The following GSG1L variants were observed in gnomAD, a reference collection of about 807,000 sequenced individuals.
GSG1L encodes germ cell-specific gene 1-like protein.
In GSG1L, 24 loss-of-function variants were observed where a neutral mutation model predicts 42.1. That is an observed-to-expected ratio of 0.57 (90% CI 0.41 to 0.80). GSG1L has a LOEUF of 0.80. Ranked by LOEUF, GSG1L falls within the 30% of genes least tolerant of loss-of-function variation. The pLI is 0.00. For missense variants in GSG1L, 445 were observed against 472.2 expected (o/e 0.94, Z 0.53); for synonymous variants, 215 against 203.5 (o/e 1.06, Z -0.48).
chr16:28,041,479 C>T (rs1040996890), intron 1 of GSG1L, among the ~76,000 whole-genome samples: 1 of 152,032 alleles, frequency 6.6e-6, no homozygotes, highest in Non-Finnish European at 1.5e-5. Context: ...ATACTATATC[C>T]GGATGGAGTG....
intron 2 of GSG1L, among the ~76,000 whole-genome samples, chr16:27,914,465 G>C (rs746484421): frequency 3.9e-4 from 60 of 152,182 alleles, no homozygotes; most frequent in Middle Eastern, 3.4e-3. Flanking sequence ...GCAAAGTGAG[G>C]ATACAGCCTC....
intron 1 of GSG1L, among the ~76,000 whole-genome samples, chr16:27,978,241 A>G (rs1212957379): frequency 1.3e-5 from 2 of 152,156 alleles, no homozygotes. Flanking sequence ...TTCCACCCCC[A>G]GATCTCCTCC....
rs552951320 is a variant in GSG1L at position 27,967,556 on chromosome 16, C to T, written c.350-4353G>A. 8.5e-5 allele frequency among the ~76,000 whole-genome samples: 13 copies of T among 152,298 alleles called. No homozygotes were observed. In the South Asian group the frequency reaches 2.7e-3, roughly 32 times the overall value. ...AGGGACCATCCTGGGCCACACAGCA[C>T]ATTAGAGGTGCTGATATTTTAGCCC... is the stretch of plus-strand genomic sequence containing the variant. On this transcript the variant is annotated intron_variant, in intron 1 of 6. Transcript: ENST00000447459.
intron 5 of GSG1L, among the ~76,000 whole-genome samples, chr16:27,811,069 A>G (rs553345068): frequency 6.6e-5 from 10 of 152,300 alleles, no homozygotes; most frequent in Admixed American, 2.0e-4. Flanking sequence ...AAAATCTCCA[A>G]CATCTTAGAG....
intron 2 of GSG1L, among the ~76,000 whole-genome samples, chr16:27,950,532 T>TTAAGG (rs1363705921): frequency 2.6e-5 from 4 of 151,964 alleles, no homozygotes; most frequent in African/African-American, 9.7e-5. Context: ...CACTTCAGAA[T>TTAAGG]TAAGGAGGTG....
intron 2 of GSG1L, among the ~76,000 whole-genome samples, chr16:27,901,770 T>C (rs78686135): frequency 0.013 from 1,994 of 152,322 alleles, 52 homozygotes; most frequent in African/African-American, 0.045. Context: ...GTGCTTGGGA[T>C]AAACCCCAGC....
chr16:27,964,793 G>A (rs566669648), intron 1 of GSG1L, among the ~76,000 whole-genome samples: 4 of 152,160 alleles, frequency 2.6e-5, no homozygotes, highest in Non-Finnish European at 5.9e-5. Flanking sequence ...TAGGGGATTG[G>A]GCGGGGAGCA....
rs112425923 is a variant in GSG1L at position 27,882,157 on chromosome 16, C to T, written c.550+2329G>A. The stretch of plus-strand genomic sequence containing the variant: ...GCTGTTCTCCTGATAGTGAGTCTCA[C>T]GAGAGCTGATGGTTTTATGAAGAGC... On this transcript the variant is annotated intron_variant, in intron 3 of 6. Coordinates refer to ENST00000447459, the MANE Select transcript of GSG1L (RefSeq NM_001109763.2). Among the ~76,000 whole-genome samples the T allele has an allele frequency of 4.2e-4, 64 of 152,210 alleles. 1 individual carries two copies. Among genetic ancestry groups the T allele is most frequent in the African/African-American group, 1.3e-3 (55 of 41,528 alleles).
chr16:27,814,800 C>T (rs2083075902), intron 5 of GSG1L, among the ~76,000 whole-genome samples: 2 of 152,104 alleles, frequency 1.3e-5, no homozygotes, highest in South Asian at 2.1e-4. Context: ...AGCCAAGGGT[C>T]ATCAGCAATG....
At chr16:28,041,907 A>G (rs2086110697) in intron 1 of GSG1L, among the ~76,000 whole-genome samples, 1 of 152,236 alleles carries the variant, frequency 6.6e-6, no homozygotes, top group Non-Finnish European at 1.5e-5. Context: ...GAATCGCTCC[A>G]GGATCGCTCA....
intron 2 of GSG1L, among the ~76,000 whole-genome samples, chr16:27,897,270 T>G (rs2084202526): frequency 6.6e-6 from 1 of 152,038 alleles, no homozygotes; most frequent in African/African-American, 2.4e-5. Flanking sequence ...ATTTGTTACA[T>G]CAGCAAGAGG....
intron 3 of GSG1L, among the ~76,000 whole-genome samples, chr16:27,868,594 T>TAAAA (rs35102160): frequency 6.9e-6 from 1 of 145,478 alleles, no homozygotes; most frequent in African/African-American, 2.5e-5. Flanking sequence ...GCAAGAGCTG[T>TAAAA]AAAAAAAAAA....
chr16:27,947,540 G>GGAAA (rs773407925), intron 2 of GSG1L, among the ~76,000 whole-genome samples: 10,509 of 96,666 alleles, frequency 0.11, 616 homozygotes, highest in Middle Eastern at 0.14. Context: ...AAAGAATGAA[G>GGAAA]GAAAGAAAGA....
intron 3 of GSG1L, among the ~76,000 whole-genome samples, chr16:27,857,997 T>C (rs1274025377): frequency 5.9e-5 from 9 of 152,190 alleles, no homozygotes; most frequent in Non-Finnish European, 2.9e-5. Flanking sequence ...AGCATAGAAC[T>C]GAGCCCTTTG....
At chr16:27,887,792 T>C (rs914820596) in intron 2 of GSG1L, among the ~76,000 whole-genome samples, 1 of 152,194 alleles carries the variant, frequency 6.6e-6, no homozygotes, top group African/African-American at 2.4e-5. Context: ...TCCCTTTTTT[T>C]CTTTTCTTTT....
chr16:28,021,607 C>T (rs2085844094), intron 1 of GSG1L, among the ~76,000 whole-genome samples: 1 of 152,164 alleles, frequency 6.6e-6, no homozygotes, highest in Admixed American at 6.5e-5. Context: ...TTAAATAATG[C>T]ATCAATACAT....
At chr16:27,999,688 T>C (rs1220869589) in intron 1 of GSG1L, among the ~76,000 whole-genome samples, 3 of 152,226 alleles carry the variant, frequency 2.0e-5, no homozygotes, top group East Asian at 3.8e-4. Flanking sequence ...CTACTGTATT[T>C]GTTTGGGTAG....
intron 1 of GSG1L, among the ~76,000 whole-genome samples, chr16:27,975,787 A>T (rs1414440162): frequency 6.6e-6 from 1 of 152,224 alleles, no homozygotes; most frequent in Non-Finnish European, 1.5e-5. Flanking sequence ...ATATTCACAC[A>T]GTTGTATCCC....
chr16:27,894,994 A>G lies in GSG1L; in HGVS notation c.398-10356T>C, dbSNP rs141881297. On this transcript the variant is annotated intron_variant, in intron 2 of 6. Transcript: ENST00000447459. Reference sequence around the variant, plus strand: ...CCAACAGATGGTGGCTCCACTGTACATCAGCAGCCCTGAGTTCAAACCCTG... The same window carrying G: ...CCAACAGATGGTGGCTCCACTGTACGTCAGCAGCCCTGAGTTCAAACCCTG... Among the ~76,000 whole-genome samples, 550 of 152,252 alleles carry G rather than the reference A, an allele frequency of 3.6e-3. 4 individuals are homozygous for G. The highest frequency in any genetic ancestry group is 0.012 in the African/African-American group (503 of 41,536).
Sources: gnomAD v4.1 joint callset for allele counts (sites outside exome capture counted in the v4.1 genomes callset) on GRCh38, gnomAD v4.1.1 for gene constraint, MANE v1.5 for transcripts, NCBI Gene and HGNC (gene_info 2026-07-23, HGNC 2026-07-21) for gene names.